The following RELN variants were observed in gnomAD, a reference collection of about 807,000 sequenced individuals.
The protein encoded by RELN is reelin.
In RELN, 108 loss-of-function variants were observed where a neutral mutation model predicts 427.6. The ratio of observed to expected loss-of-function variants is 0.25; its 90% CI spans 0.22 to 0.30. The LOEUF (loss-of-function observed/expected upper bound fraction) is 0.30, where lower values mean the gene tolerates loss of function less well. RELN is among the 10% of genes least tolerant of loss of function. RELN has a pLI of 1.00. For missense variants in RELN, 3,715 were observed against 4,302.8 expected (o/e 0.86, Z 3.82); for synonymous variants, 1,524 against 1,513.4 (o/e 1.01, Z -0.16).
rs574276169 is a variant in RELN, at chr7:103,498,342, T to C, written c.8668-90A>G. 26 of 1,161,870 alleles carry C rather than the reference T, an allele frequency of 2.2e-5. No homozygotes were observed. The African/African-American group carries it at 3.7e-4, about 17-fold the overall frequency. The allele number at this position is 1,161,870 out of a possible 1,614,324, so 72.0% of individuals were successfully genotyped here. A position where few individuals can be genotyped will look rare whatever the true frequency, so the allele number is the denominator to read the frequency against. On this transcript the variant is annotated intron_variant, in intron 53 of 64. Coordinates refer to ENST00000428762, the MANE Select transcript of RELN (RefSeq NM_005045.4). ...AAAATACAGAGTGATGTCTTGGACT[T>C]AAAAAAAATAGAGCTGATTTCAAAT... is the stretch of plus-strand genomic sequence containing the variant.
chr7:103,581,633 C>T (rs1831151743), intron 28 of RELN, among the ~76,000 whole-genome samples: 1 of 152,114 alleles, frequency 6.6e-6, no homozygotes, highest in Non-Finnish European at 1.5e-5. Flanking sequence ...TTTGTATATG[C>T]TCCTCTGTAG....
At chr7:103,533,717 A>G (rs2237624) in intron 46 of RELN, among the ~76,000 whole-genome samples, 72,511 of 151,836 alleles carry the variant, frequency 0.48, 21,204 homozygotes, top group Non-Finnish European at 0.65. Flanking sequence ...GGTATGTACA[A>G]GAGACAATTA....
chr7:103,920,703 A>G (rs1172573691), intron 1 of RELN, among the ~76,000 whole-genome samples: 3 of 150,992 alleles, frequency 2.0e-5, no homozygotes, highest in African/African-American at 7.3e-5. Flanking sequence ...CCTCCTGGGT[A>G]TCTGTGACTA....
intron 20 of RELN, among the ~76,000 whole-genome samples, chr7:103,629,264 A>C (rs1183648459): frequency 6.6e-6 from 1 of 152,192 alleles, no homozygotes; most frequent in Non-Finnish European, 1.5e-5. Flanking sequence ...ATGAAGTACT[A>C]ATCACCTTTA....
chr7:103,675,592 C>T (rs905965523), intron 11 of RELN, among the ~76,000 whole-genome samples: 17 of 150,488 alleles, frequency 1.1e-4, no homozygotes, highest in Admixed American at 6.6e-5. Flanking sequence ...CAATCCTAAG[C>T]CAAAAGAACA....
chr7:103,730,505 CACAAG>C (rs1234323174), intron 6 of RELN, among the ~76,000 whole-genome samples: 2 of 151,316 alleles, frequency 1.3e-5, no homozygotes, highest in Non-Finnish European at 2.9e-5. Context: ...AAACAATAAA[CACAAG>C]ACAAAAGAAA....
intron 3 of RELN, among the ~76,000 whole-genome samples, chr7:103,812,857 T>C (rs1253206582): frequency 6.6e-6 from 1 of 152,214 alleles, no homozygotes; most frequent in Non-Finnish European, 1.5e-5. Flanking sequence ...TAGGCCTCTT[T>C]TGTCATTACT....
intron 1 of RELN, among the ~76,000 whole-genome samples, chr7:103,951,982 A>G (rs1796342121): frequency 6.6e-6 from 1 of 152,210 alleles, no homozygotes; most frequent in Admixed American, 6.5e-5. Context: ...CCTCTGGGCC[A>G]TCTTTGGCTT....
At chr7:103,971,233 C>G (rs563106966) in intron 1 of RELN, among the ~76,000 whole-genome samples, 1 of 150,824 alleles carries the variant, frequency 6.6e-6, no homozygotes, top group Non-Finnish European at 1.5e-5. Context: ...TTCCAGAGAT[C>G]ATACTATTAC....
intron 28 of RELN, among the ~76,000 whole-genome samples, chr7:103,582,947 C>A (rs1376810759): frequency 1.3e-5 from 2 of 152,088 alleles, no homozygotes; most frequent in Non-Finnish European, 2.9e-5. Flanking sequence ...ATTGTAGACC[C>A]TCATTGAGAT....
intron 4 of RELN, among the ~76,000 whole-genome samples, chr7:103,759,990 C>CTTTTTTTTT (rs57019839): frequency 4.6e-5 from 3 of 64,932 alleles, no homozygotes; most frequent in East Asian, 3.9e-4. Flanking sequence ...CACAGTCATA[C>CTTTTTTTTT]TTTTTTTTTT....
chr7:103,814,303 C>A (rs1462463724), intron 3 of RELN, among the ~76,000 whole-genome samples: 1 of 152,176 alleles, frequency 6.6e-6, no homozygotes, highest in Admixed American at 6.5e-5. Flanking sequence ...TAGAGAGTTA[C>A]ATATGCTTAA....
intron 28 of RELN, among the ~76,000 whole-genome samples, chr7:103,584,315 T>C (rs1831220845): frequency 6.6e-6 from 1 of 152,158 alleles, no homozygotes; most frequent in South Asian, 2.1e-4. Context: ...TTGCCTACAA[T>C]AGACCCACTT....
chr7:103,564,559 G>T (rs1024598316), intron 34 of RELN, among the ~76,000 whole-genome samples: 2 of 152,158 alleles, frequency 1.3e-5, no homozygotes, highest in East Asian at 1.9e-4. Context: ...GCAGAAAGAG[G>T]GGGGAGGAAC....
intron 41 of RELN, among the ~76,000 whole-genome samples, chr7:103,546,085 C>G (rs774034268): frequency 2.6e-5 from 4 of 152,224 alleles, no homozygotes; most frequent in Non-Finnish European, 5.9e-5. Context: ...ACCATCACCT[C>G]TTTCTAGTTT....
chr7:103,844,500 A>AT (rs1325136974), intron 2 of RELN, among the ~76,000 whole-genome samples: 3 of 148,370 alleles, frequency 2.0e-5, no homozygotes, highest in Non-Finnish European at 2.9e-5. Flanking sequence ...AGATTAACAC[A>AT]TTTTTTCATT....
At chr7:103,526,427 C>T (rs1038533225) in intron 46 of RELN, among the ~76,000 whole-genome samples, 12 of 152,074 alleles carry the variant, frequency 7.9e-5, no homozygotes, top group African/African-American at 2.4e-4. Context: ...TCTATGTCCA[C>T]GGTGAGTAAC....
intron 12 of RELN, among the ~76,000 whole-genome samples, chr7:103,660,328 G>T (rs1833111790): frequency 6.6e-6 from 1 of 152,132 alleles, no homozygotes; most frequent in Non-Finnish European, 1.5e-5. Context: ...TGAGCTCTGG[G>T]CCTTTAAATA....
At chr7:103,838,884 T>C (rs911647272) in intron 2 of RELN, among the ~76,000 whole-genome samples, 3 of 152,224 alleles carry the variant, frequency 2.0e-5, no homozygotes, top group African/African-American at 4.8e-5. Context: ...GAATATGCCA[T>C]AGAACAATAT....
Sources: gnomAD v4.1 joint callset for allele counts (sites outside exome capture counted in the v4.1 genomes callset) on GRCh38, gnomAD v4.1.1 for gene constraint, MANE v1.5 for transcripts, NCBI Gene and HGNC (gene_info 2026-07-23, HGNC 2026-07-21) for gene names.